NR6A1: variants seen among roughly 807,000 people sequenced by gnomAD.
The protein encoded by NR6A1 is retinoic acid receptor-related testis-associated receptor.
In NR6A1, 7 loss-of-function variants were observed where a neutral mutation model predicts 59.1. The observed-to-expected ratio is 0.12, with a 90% CI of 0.07 to 0.22. NR6A1 has a LOEUF of 0.22. NR6A1 is among the 10% of genes least tolerant of loss of function. NR6A1 has a pLI of 1.00. For synonymous variants in NR6A1, 243 were observed against 236.1 expected (o/e 1.03, Z -0.27); for missense variants, 468 against 611.6 (o/e 0.77, Z 2.48).
At position 124,608,303 on chromosome 9, in the gene NR6A1, C is replaced by G. The variant is rs982958550; in HGVS notation, c.143-53733G>C. 3.9e-5 allele frequency among the ~76,000 whole-genome samples: 6 copies of G among 152,154 alleles called. No individual in the cohort carries two copies. In the East Asian group the frequency reaches 1.2e-3, roughly 29 times the overall value. ...TTTCCTGATGCTCTCCCTCCCCCAC[C>G]CCCAACAGGCCCCAGTGTGTGTTGT... On this transcript the variant is annotated intron_variant, in intron 2 of 9. Transcript: ENST00000487099.
At chr9:124,552,793 G>GT (rs1296136373) in intron 3 of NR6A1, among the ~76,000 whole-genome samples, 6 of 152,172 alleles carry the variant, frequency 3.9e-5, no homozygotes, top group Non-Finnish European at 7.4e-5. Context: ...CTCAATATTA[G>GT]TATTTATAAT....
At chr9:124,755,631 T>TTAA (rs1219720178) in intron 1 of NR6A1, among the ~76,000 whole-genome samples, 1 of 152,200 alleles carries the variant, frequency 6.6e-6, no homozygotes, top group Non-Finnish European at 1.5e-5. Context: ...ATCAATAAGA[T>TTAA]AGTACTTCAA....
At chr9:124,740,775 C>T (rs1290825778) in intron 1 of NR6A1, among the ~76,000 whole-genome samples, 1 of 152,174 alleles carries the variant, frequency 6.6e-6, no homozygotes, top group Non-Finnish European at 1.5e-5. Flanking sequence ...TATCAGTTTC[C>T]CATCTACCTT....
At chr9:124,674,368 GA>G (rs1837889239) in intron 2 of NR6A1, among the ~76,000 whole-genome samples, 1 of 152,190 alleles carries the variant, frequency 6.6e-6, no homozygotes, top group Admixed American at 6.5e-5. Flanking sequence ...TTAACGCTAT[GA>G]AGCTGGATTT....
At chr9:124,642,260 G>A (rs1461458244) in intron 2 of NR6A1, among the ~76,000 whole-genome samples, 1 of 152,172 alleles carries the variant, frequency 6.6e-6, no homozygotes, top group Non-Finnish European at 1.5e-5. Context: ...ATGTTGGCCA[G>A]GCTGGTCTCG....
intron 2 of NR6A1, among the ~76,000 whole-genome samples, chr9:124,646,698 T>C (rs1009870994): frequency 3.9e-5 from 6 of 152,182 alleles, no homozygotes; most frequent in Non-Finnish European, 2.9e-5. Context: ...ATTTCATGTT[T>C]TAAGAAAGTT....
chr9:124,731,829 C>T (rs1225627914), intron 2 of NR6A1, among the ~76,000 whole-genome samples: 1 of 152,042 alleles, frequency 6.6e-6, no homozygotes, highest in African/African-American at 2.4e-5. Flanking sequence ...ATGTTATCGG[C>T]CAGGCTTCTA....
At chr9:124,523,026 A>G (rs1049255036) in intron 9 of NR6A1, among the ~76,000 whole-genome samples, 4 of 152,052 alleles carry the variant, frequency 2.6e-5, no homozygotes, top group Admixed American at 2.6e-4. Flanking sequence ...TCTACTACTC[A>G]GGGAATACTT....
chr9:124,717,567 G>T (rs1334723177), intron 2 of NR6A1, among the ~76,000 whole-genome samples: 1 of 152,166 alleles, frequency 6.6e-6, no homozygotes, highest in Non-Finnish European at 1.5e-5. Context: ...GGTAAGTAGT[G>T]GGATGGACTG....
chr9:124,711,776 C>T (rs1588817425), intron 2 of NR6A1, among the ~76,000 whole-genome samples: 1 of 152,278 alleles, frequency 6.6e-6, no homozygotes, highest in East Asian at 1.9e-4. Flanking sequence ...AGAAGTGAGA[C>T]AGGGAAATGA....
intron 2 of NR6A1, among the ~76,000 whole-genome samples, chr9:124,665,019 A>C (rs1183268450): frequency 4.7e-5 from 7 of 150,340 alleles, no homozygotes; most frequent in South Asian, 2.1e-4. Context: ...CCAAAAAAAA[A>C]AAAAAAAAAA....
At chr9:124,523,643 T>C (rs560706878) in intron 9 of NR6A1, among the ~76,000 whole-genome samples, 14 of 152,140 alleles carry the variant, frequency 9.2e-5, no homozygotes, top group Non-Finnish European at 2.1e-4. Flanking sequence ...GCCTGCTTAA[T>C]ATCTCATGTG....
rs116748579 is a variant in NR6A1, at chr9:124,616,513, C to T, written c.143-61943G>A. Among the ~76,000 whole-genome samples, 196 of 150,876 alleles carry T rather than the reference C, an allele frequency of 1.3e-3. 1 individual carries two copies. Among genetic ancestry groups the T allele is most frequent in the African/African-American group, 4.4e-3 (183 of 41,154 alleles). On this transcript the variant is annotated intron_variant, in intron 2 of 9. Coordinates refer to ENST00000487099, the MANE Select transcript of NR6A1 (RefSeq NM_033334.4). ...TGAGGGGGTGTCTTTCTAAGCATAACATGAAATCCAGATATCATTAAAGAA... is the reference window on the plus strand; with the variant it reads ...TGAGGGGGTGTCTTTCTAAGCATAATATGAAATCCAGATATCATTAAAGAA...
At position 124,597,985 on chromosome 9, in the gene NR6A1, G is replaced by A. The variant is rs1375488799; in HGVS notation, c.143-43415C>T. The stretch of plus-strand genomic sequence containing the variant: ...CTCCCACGTAGCTGGGACTACAGGG[G>A]ACTACAGGCACGCACCACCACGCCT... On this transcript the variant is annotated intron_variant, in intron 2 of 9. Coordinates refer to ENST00000487099, the MANE Select transcript of NR6A1 (RefSeq NM_033334.4). Among the ~76,000 whole-genome samples, 4 of 152,110 alleles carry A rather than the reference G, an allele frequency of 2.6e-5. No homozygotes were observed. In the East Asian group the frequency reaches 5.8e-4, roughly 22 times the overall value.
intron 2 of NR6A1, among the ~76,000 whole-genome samples, chr9:124,639,756 ACT>A (rs1200652451): frequency 1.3e-5 from 2 of 152,220 alleles, no homozygotes; most frequent in East Asian, 1.9e-4. Context: ...TAAGATGAGC[ACT>A]GAGAATTTAA....
At chr9:124,744,772 T>C (rs934013760) in intron 1 of NR6A1, among the ~76,000 whole-genome samples, 7 of 152,240 alleles carry the variant, frequency 4.6e-5, no homozygotes, top group African/African-American at 1.7e-4. Context: ...ATCAAGGAGT[T>C]TGTTTGAACA....
chr9:124,624,761 G>C (rs1439274955), intron 2 of NR6A1, among the ~76,000 whole-genome samples: 27 of 152,182 alleles, frequency 1.8e-4, no homozygotes, highest in Admixed American at 1.8e-3. Flanking sequence ...TGCAGCTTGC[G>C]CAGTGCTCTG....
In NR6A1 at chr9:124,641,298, GCCGTGAGCCGAGATCA is replaced by G. The variant is rs544914583; in HGVS notation, c.143-86744_143-86729del. Reference sequence around the variant, plus strand: ...TGCTTGAACCCAGGAGGCAGAGGTTGCCGTGAGCCGAGATCACCCCATTGCACTCCAGCCTGGGCAA... The same window carrying G: ...TGCTTGAACCCAGGAGGCAGAGGTTGCCCCATTGCACTCCAGCCTGGGCAA... On this transcript the variant is annotated intron_variant, in intron 2 of 9. Transcript: ENST00000487099. 4.9e-3 allele frequency among the ~76,000 whole-genome samples: 749 copies of G among 151,562 alleles called. 6 individuals are homozygous for G. Among genetic ancestry groups the G allele is most frequent in the African/African-American group, 0.017 (710 of 41,292 alleles).
chr9:124,695,805 C>T (rs1380952968), intron 2 of NR6A1, among the ~76,000 whole-genome samples: 2 of 152,098 alleles, frequency 1.3e-5, no homozygotes, highest in African/African-American at 4.8e-5. Flanking sequence ...TTTCTGAAAA[C>T]ATTAGAAAAG....
Sources: allele counts gnomAD v4.1 joint callset (sites outside exome capture counted in the v4.1 genomes callset), GRCh38; gene constraint gnomAD v4.1.1; transcripts MANE v1.5; gene names NCBI Gene and HGNC (gene_info 2026-07-23, HGNC 2026-07-21).